The following KCND2 variants were observed in gnomAD, a reference collection of about 807,000 sequenced individuals.
KCND2 encodes the protein A-type voltage-gated potassium channel KCND2.
In KCND2, 16 loss-of-function variants were observed where a neutral mutation model predicts 54.4. The observed-to-expected ratio is 0.29, with a 90% confidence interval of 0.20 to 0.45. The LOEUF is 0.45. Among genes scored for constraint, KCND2 ranks in the 20% least tolerant of loss-of-function variants. The pLI, the probability that KCND2 is intolerant of heterozygous loss-of-function variation, is 1.00. For missense variants in KCND2, 486 were observed against 824.2 expected, an observed-to-expected ratio of 0.59 and a Z score of 5.02; for synonymous variants, 317 against 310.7, an observed-to-expected ratio of 1.02 and a Z score of -0.21.
chr7:120,286,577 C>T (rs1799348154), intron 1 of KCND2, among the ~76,000 whole-genome samples: 1 of 151,902 alleles, frequency 6.6e-6, no homozygotes, highest in Non-Finnish European at 1.5e-5. Context: ...GAGTAAGTCT[C>T]TATCACATCA....
chr7:120,637,195 T>G (rs951892753), intron 1 of KCND2, among the ~76,000 whole-genome samples: 1 of 152,098 alleles, frequency 6.6e-6, no homozygotes, highest in Non-Finnish European at 1.5e-5. Context: ...TCAAATTGAG[T>G]CTTCATAATC....
chr7:120,689,637 A>AT (rs1562910415), intron 1 of KCND2, among the ~76,000 whole-genome samples: 1 of 152,202 alleles, frequency 6.6e-6, no homozygotes, highest in Non-Finnish European at 1.5e-5. Flanking sequence ...TTAGACATAA[A>AT]TCTTCACTAT....
chr7:120,438,995 C>T (rs1435572921), intron 1 of KCND2, among the ~76,000 whole-genome samples: 1 of 152,036 alleles, frequency 6.6e-6, no homozygotes, highest in Non-Finnish European at 1.5e-5. Flanking sequence ...TTCAGCATGG[C>T]TGAATCTTAG....
chr7:120,531,255 T>G (rs1349467946), intron 1 of KCND2, among the ~76,000 whole-genome samples: 1 of 152,146 alleles, frequency 6.6e-6, no homozygotes, highest in Non-Finnish European at 1.5e-5. Flanking sequence ...ACCTTGATTT[T>G]TATATCCCTT....
rs564696225 is a variant in KCND2 at position 120,608,172 on chromosome 7, C to A, written c.1116-124731C>A. Among the ~76,000 whole-genome samples, 18 of 151,880 alleles carry A rather than the reference C, an allele frequency of 1.2e-4. No homozygotes were observed. The East Asian group carries it at 2.1e-3, about 18-fold the overall frequency. ...TGTAATCCAACAACAGGATAAATGA[C>A]AGTATTATAAAAAGATGGGAAAATT... On this transcript the variant is annotated intron_variant, in intron 1 of 5. Transcript: ENST00000331113.
At chr7:120,720,720 C>T (rs1010243110) in intron 1 of KCND2, among the ~76,000 whole-genome samples, 1 of 152,168 alleles carries the variant, frequency 6.6e-6, no homozygotes, top group Non-Finnish European at 1.5e-5. Context: ...GAAAAACTTC[C>T]TCCTCCCTTT....
chr7:120,613,624 G>A (rs1329937520), intron 1 of KCND2, among the ~76,000 whole-genome samples: 1 of 152,182 alleles, frequency 6.6e-6, no homozygotes, highest in African/African-American at 2.4e-5. Flanking sequence ...AGGATGAACA[G>A]ATCTCTACTC....
chr7:120,477,812 T>G (rs1015677692), intron 1 of KCND2, among the ~76,000 whole-genome samples: 27 of 152,128 alleles, frequency 1.8e-4, no homozygotes, highest in Non-Finnish European at 2.1e-4. Flanking sequence ...GCAACACATG[T>G]TGGATATTTG....
At position 120,745,798 on chromosome 7, in the gene KCND2, G is replaced by A. The variant is rs1044289793; in HGVS notation, c.1486G>A (p.Glu496Lys). 11 of 1,613,462 alleles carry A rather than the reference G, an allele frequency of 6.8e-6. No individual in the cohort carries two copies. The highest frequency in any genetic ancestry group is 2.2e-5 in the East Asian group (1 of 44,828). The change falls in exon 5 of 6, where the codon GAA (glutamate) becomes AAA (lysine). Residue 496 changes from glutamate to lysine, a missense_variant. Physicochemically the swap from Glu to Lys is moderately conservative, Grantham distance 56. Around this residue, in one of 7 missense-constraint regions of KCND2, gnomAD observed 202 missense variants for 252.7 expected, o/e 0.80. Transcript: ENST00000331113. Reference protein sequence around the residue: ...EKTTNHEFVDEQVFEESCMEV... With the variant: ...EKTTNHEFVDKQVFEESCMEV... ...GGAACAGAATCACGAGTTTGTGGACGAACAAGTCTTTGAAGAAAGCTGCAT... is the reference window on the plus strand; with the variant it reads ...GGAACAGAATCACGAGTTTGTGGACAAACAAGTCTTTGAAGAAAGCTGCAT...
At chr7:120,306,366 CT>C in intron 1 of KCND2, among the ~76,000 whole-genome samples, 1 of 152,086 alleles carries the variant, frequency 6.6e-6, no homozygotes, top group East Asian at 1.9e-4. Context: ...ATGGTTTAGA[CT>C]TTGTTTTGAG....
chr7:120,706,778 A>G (rs895921141), intron 1 of KCND2, among the ~76,000 whole-genome samples: 1 of 152,304 alleles, frequency 6.6e-6, no homozygotes, highest in East Asian at 1.9e-4. Flanking sequence ...TCTGTGAATT[A>G]ATTAACACAC....
intron 1 of KCND2, among the ~76,000 whole-genome samples, chr7:120,381,743 C>G (rs917177983): frequency 3.3e-5 from 5 of 151,878 alleles, no homozygotes; most frequent in Admixed American, 3.3e-4. Flanking sequence ...AAATTTTGAG[C>G]AAATGGGTTC....
At chr7:120,712,196 T>C (rs904569203) in intron 1 of KCND2, among the ~76,000 whole-genome samples, 2 of 141,984 alleles carry the variant, frequency 1.4e-5, no homozygotes, top group Non-Finnish European at 3.1e-5. Flanking sequence ...ATTTAATTCA[T>C]AAAACTTCTA....
At chr7:120,746,288 T>C (rs1330825399) in intron 5 of KCND2, among the ~76,000 whole-genome samples, 1 of 152,214 alleles carries the variant, frequency 6.6e-6, no homozygotes, top group Non-Finnish European at 1.5e-5. Flanking sequence ...TTCTCTCTTC[T>C]GTTCCACAAC....
chr7:120,570,631 CTCTTCT>C (rs1406680863), intron 1 of KCND2, among the ~76,000 whole-genome samples: 1 of 152,046 alleles, frequency 6.6e-6, no homozygotes, highest in Non-Finnish European at 1.5e-5. Context: ...TCATCATATC[CTCTTCT>C]ATACCCAGGT....
intron 1 of KCND2, among the ~76,000 whole-genome samples, chr7:120,332,219 A>G (rs1459202692): frequency 2.0e-5 from 3 of 152,114 alleles, no homozygotes; most frequent in Admixed American, 1.3e-4. Context: ...CCAAATTACA[A>G]TAATGATAAC....
intron 1 of KCND2, among the ~76,000 whole-genome samples, chr7:120,302,451 C>A (rs559959913): frequency 6.6e-6 from 1 of 151,892 alleles, no homozygotes; most frequent in Non-Finnish European, 1.5e-5. Flanking sequence ...TTGACGGGGA[C>A]GGGGAGGTGG....
chr7:120,366,977 CATGAGAGCACTTTA>C (rs2116409483), intron 1 of KCND2, among the ~76,000 whole-genome samples: 1 of 152,166 alleles, frequency 6.6e-6, no homozygotes, highest in East Asian at 1.9e-4. Context: ...AGATAATATA[CATGAGAGCACTTTA>C]AAACTTAAAA....
chr7:120,578,732 G>A (rs956549579), intron 1 of KCND2, among the ~76,000 whole-genome samples: 1 of 152,048 alleles, frequency 6.6e-6, no homozygotes, highest in Non-Finnish European at 1.5e-5. Context: ...CTGGCGTGGT[G>A]GTGTGCACCT....
Sources: gnomAD v4.1 joint callset for allele counts (sites outside exome capture counted in the v4.1 genomes callset) on GRCh38, gnomAD v4.1.1 for gene constraint, gnomAD v4.1.1 regional missense constraint, MANE v1.5 for transcripts, NCBI Gene and HGNC (gene_info 2026-07-23, HGNC 2026-07-21) for gene names.